The following CAND1 variants were observed in gnomAD, a reference collection of about 807,000 sequenced individuals.
The protein encoded by CAND1 is cullin-associated NEDD8-dissociated protein 1.
A neutral mutation model predicts 108.5 loss-of-function variants in CAND1; 7 were observed. The ratio of observed to expected loss-of-function variants is 0.06; its 90% CI spans 0.04 to 0.12. The LOEUF (loss-of-function observed/expected upper bound fraction) is 0.12, where lower values mean the gene tolerates loss of function less well. Among genes scored for constraint, CAND1 ranks in the 10% least tolerant of loss-of-function variants. The pLI, the probability that CAND1 is intolerant of heterozygous loss-of-function variation, is 1.00. For synonymous variants in CAND1, 534 were observed against 512.0 expected (o/e 1.04, Z -0.58); for missense variants, 941 against 1,448.7 (o/e 0.65, Z 5.69).
intron 11 of CAND1, 144 bp downstream of exon 11, chr12:67,307,636 T>G (rs2136019388): frequency 1.6e-6 from 1 of 611,608 alleles, no homozygotes; most frequent in East Asian, 2.8e-5. Context: ...TCTTACAACT[T>G]TTAACAAATT....
intron 1 of CAND1, among the ~76,000 whole-genome samples, chr12:67,281,290 A>AGTGC (rs2044617720): frequency 6.6e-6 from 1 of 151,952 alleles, no homozygotes; most frequent in African/African-American, 2.4e-5. Flanking sequence ...AGATCCTGCC[A>AGTGC]CTGCACTCCA....
intron 2 of CAND1, among the ~76,000 whole-genome samples, 188 bp from the exon 3 acceptor site, chr12:67,292,434 G>C (rs1223758728): frequency 6.6e-6 from 1 of 152,162 alleles, no homozygotes; most frequent in African/African-American, 2.4e-5. Flanking sequence ...AGAAAAACTT[G>C]GAAACCAACT....
intron 1 of CAND1, among the ~76,000 whole-genome samples, chr12:67,273,147 A>C (rs2044537536): frequency 6.6e-6 from 1 of 152,254 alleles, no homozygotes; most frequent in Non-Finnish European, 1.5e-5. Flanking sequence ...TGCCAATTCA[A>C]ATAAAACCTT....
rs1475618207 is a variant in CAND1 at position 67,306,081 on chromosome 12, G to T, written c.2413G>T (p.Ala805Ser). ...TTATTCCATTGCCAAATGTGTAGCTGCCCTTACTCGAGCATGCCCTAAAGA... is the reference window on the plus strand; with the variant it reads ...TTATTCCATTGCCAAATGTGTAGCTTCCCTTACTCGAGCATGCCCTAAAGA... Reference protein sequence around the residue: ...SYYSIAKCVAALTRACPKEGP... With the variant: ...SYYSIAKCVASLTRACPKEGP... The change falls in exon 10 of 15, where the codon GCC becomes TCC. Residue 805 changes from alanine to serine, a missense_variant. Physicochemically the swap from Ala to Ser is moderately conservative, Grantham distance 99. Transcript: ENST00000545606. 3.1e-6 allele frequency: 5 copies of T among 1,614,002 alleles called. No homozygotes were observed. The highest frequency in any genetic ancestry group is 4.2e-6 in the Non-Finnish European group (5 of 1,180,008).
chr12:67,301,443 A>G (rs2044823895), intron 7 of CAND1, among the ~76,000 whole-genome samples: 1 of 152,192 alleles, frequency 6.6e-6, no homozygotes, highest in African/African-American at 2.4e-5. Flanking sequence ...TTAGACTATC[A>G]TGATAACTGC....
At chr12:67,286,825 G>T (rs560015351) in intron 2 of CAND1, among the ~76,000 whole-genome samples, 1 of 152,142 alleles carries the variant, frequency 6.6e-6, no homozygotes, top group Non-Finnish European at 1.5e-5. Flanking sequence ...ATTTATTTTT[G>T]CAAAGGATGT....
At position 67,299,071 on chromosome 12, in the gene CAND1, G is replaced by C; in HGVS notation, c.976G>C (p.Asp326His). The C allele has an allele frequency of 6.5e-7, 1 of 1,529,650 alleles. No individual in the cohort carries two copies. Among genetic ancestry groups the C allele is most frequent in the Non-Finnish European group, 9.0e-7 (1 of 1,114,992 alleles). 94.8% of individuals were successfully genotyped at this position (1,529,650 alleles called of 1,614,324 possible). Residue 326 changes from aspartate (D) to histidine (H), a missense_variant, in exon 7 of 15, where the codon GAT (aspartate) becomes CAT (histidine). Asp to His is a moderately conservative substitution (Grantham distance 81). This residue lies in a region of CAND1 where 697 missense variants were observed against 942.0 expected (regional missense o/e 0.74). Transcript: ENST00000545606. ...TGAAGATGAAAATGCAATGGATGCT[G>C]ATGGTGGTGATGATGATGATCAAGG... ...EDEDENAMDADGGDDDDQGSD... is the reference protein window; with the variant it reads ...EDEDENAMDAHGGDDDDQGSD...
At chr12:67,276,984 T>C (rs562799043) in intron 1 of CAND1, among the ~76,000 whole-genome samples, 2 of 152,306 alleles carry the variant, frequency 1.3e-5, no homozygotes, top group East Asian at 1.9e-4. Context: ...CTTTCTTCTG[T>C]TGTAAGATGA....
In CAND1 at chr12:67,297,640, G is replaced by A. The variant is rs139187481; in HGVS notation, c.725G>A (p.Ser242Asn). The change falls in exon 5 of 15, where the codon AGT (serine) becomes AAT (asparagine). Residue 242 changes from serine (S) to asparagine (N), a missense_variant. Coordinates refer to ENST00000545606, the MANE Select transcript of CAND1 (RefSeq NM_018448.5). ...TACATACAATGTATTGCTGCTATTAGTAGGCAAGCTGGTCATAGAATAGGT... is the reference window on the plus strand; with the variant it reads ...TACATACAATGTATTGCTGCTATTAATAGGCAAGCTGGTCATAGAATAGGT... Reference protein sequence around the residue: ...RTYIQCIAAISRQAGHRIGEY... With the variant: ...RTYIQCIAAINRQAGHRIGEY... 343 of 1,612,836 alleles carry A rather than the reference G, an allele frequency of 2.1e-4. No individual in the cohort carries two copies. Among genetic ancestry groups the A allele is most frequent in the Non-Finnish European group, 2.8e-4 (331 of 1,179,188 alleles).
chr12:67,281,083 A>G (rs1437991413), intron 1 of CAND1, among the ~76,000 whole-genome samples: 2 of 151,446 alleles, frequency 1.3e-5, no homozygotes, highest in Non-Finnish European at 2.9e-5. Context: ...ATACAATAAT[A>G]CTAAATTATT....
chr12:67,317,816 G>A lies in CAND1; in HGVS notation c.*4986G>A, dbSNP rs942894775. ...AATCTATACATCTAGCCCAGTCCAT[G>A]CCCCTGTTTCAGACTATTATATCCA... is the stretch of plus-strand genomic sequence containing the variant. On this transcript the variant is annotated 3_prime_UTR_variant, in exon 15 of 15. Coordinates refer to ENST00000545606, the MANE Select transcript of CAND1 (RefSeq NM_018448.5). The A allele has an allele frequency of 1.3e-5, 2 of 152,210 alleles. No homozygotes were observed. The highest frequency in any genetic ancestry group is 1.3e-4 in the Admixed American group (2 of 15,274). The allele number at this position is 152,210 out of a possible 1,614,324, so 9.4% of individuals were successfully genotyped here. A position where few individuals can be genotyped will look rare whatever the true frequency, so the allele number is the denominator to read the frequency against.
At chr12:67,301,373 T>C (rs541909370) in intron 7 of CAND1, among the ~76,000 whole-genome samples, 1 of 152,322 alleles carries the variant, frequency 6.6e-6, no homozygotes, top group Non-Finnish European at 1.5e-5. Flanking sequence ...TACTCCGCTC[T>C]ATTATTTCAA....
rs147033134 is a variant in CAND1, at chr12:67,318,411, T to G, written c.*5581T>G. On this transcript the variant is annotated 3_prime_UTR_variant, in exon 15 of 15. Transcript: ENST00000545606. Reference sequence around the variant, plus strand: ...CCTATCTATAAAATGGGAATTAAAATATTTGCACCTTATAGGGTTATTGTG... The same window carrying G: ...CCTATCTATAAAATGGGAATTAAAAGATTTGCACCTTATAGGGTTATTGTG... The G allele has an allele frequency of 6.6e-6, 1 of 152,370 alleles. No homozygotes were observed. The highest frequency in any genetic ancestry group is 2.4e-5 in the African/African-American group (1 of 41,592). The allele number at this position is 152,370 out of a possible 1,614,324, so 9.4% of individuals were successfully genotyped here. A position where few individuals can be genotyped will look rare whatever the true frequency, so the allele number is the denominator to read the frequency against.
rs2045015935 is a variant in CAND1, at chr12:67,317,255, C to CTA, written c.*4425_*4426insTA. The CTA allele has an allele frequency of 6.6e-6, 1 of 152,290 alleles. No individual in the cohort carries two copies. The highest frequency in any genetic ancestry group is 6.5e-5 in the Admixed American group (1 of 15,272). 9.4% of individuals were successfully genotyped at this position (152,290 alleles called of 1,614,324 possible). On this transcript the variant is annotated 3_prime_UTR_variant, in exon 15 of 15. Transcript: ENST00000545606. ...GGCACAAGTGATTCTCCCACCTCAGCCTCCCGAGTAGCTGGGAGTATAGGT... is the reference window on the plus strand; with the variant it reads ...GGCACAAGTGATTCTCCCACCTCAGCTACTCCCGAGTAGCTGGGAGTATAGGT...
rs775627 is a variant in CAND1, at chr12:67,271,560, C to T, written c.68+1775C>T. Among the ~76,000 whole-genome samples the T allele has an allele frequency of 6.7e-3, 1,027 of 152,238 alleles. 7 individuals carry two copies. The highest frequency in any genetic ancestry group is 0.024 in the African/African-American group (978 of 41,534). ...ACTGAAGCTTGCTTTCTTAAATTTC[C>T]TGTGAAAGAAAGATAACATGTACAT... On this transcript the variant is annotated intron_variant, in intron 1 of 14. Transcript: ENST00000545606.
At chr12:67,275,270 T>C (rs1228243538) in intron 1 of CAND1, among the ~76,000 whole-genome samples, 1 of 152,172 alleles carries the variant, frequency 6.6e-6, no homozygotes, top group Admixed American at 6.5e-5. Context: ...CTCACGACTG[T>C]AATTCCAGCA....
intron 1 of CAND1, among the ~76,000 whole-genome samples, chr12:67,277,599 A>C (rs2044581673): frequency 1.3e-5 from 2 of 152,220 alleles, no homozygotes; most frequent in Admixed American, 1.3e-4. Flanking sequence ...TGTTTACAAC[A>C]TGAGAGCTGG....
chr12:67,311,618 G>T lies in CAND1; in HGVS notation c.3361-75G>T, dbSNP rs1170620792. On this transcript the variant is annotated intron_variant, in intron 13 of 14. Coordinates refer to ENST00000545606, the MANE Select transcript of CAND1 (RefSeq NM_018448.5). Reference sequence around the variant, plus strand: ...GCATGCTAGTTATTTTCCTTTAAAGGATTTGTCAGAATTTAGTATTTTGTT... The same window carrying T: ...GCATGCTAGTTATTTTCCTTTAAAGTATTTGTCAGAATTTAGTATTTTGTT... The T allele has an allele frequency of 1.1e-5, 7 of 664,084 alleles. No individual in the cohort carries two copies. In the East Asian group the frequency reaches 2.1e-4, roughly 20 times the overall value. 41.1% of individuals were successfully genotyped at this position (664,084 alleles called of 1,614,324 possible). A position where few individuals can be genotyped will look rare whatever the true frequency, so the allele number is the denominator to read the frequency against.
At chr12:67,280,127 C>T (rs2044606138) in intron 1 of CAND1, among the ~76,000 whole-genome samples, 1 of 152,124 alleles carries the variant, frequency 6.6e-6, no homozygotes, top group South Asian at 2.1e-4. Flanking sequence ...AAAGTACGTG[C>T]TTAACTGATC....
Sources: allele counts gnomAD v4.1 joint callset (sites outside exome capture counted in the v4.1 genomes callset), GRCh38; gene constraint gnomAD v4.1.1; regional missense constraint gnomAD v4.1.1; transcripts MANE v1.5; gene names NCBI Gene and HGNC (gene_info 2026-07-23, HGNC 2026-07-21).